Variants in DAB1 observed in about 807,000 individuals in gnomAD.
DAB1 encodes the protein DAB adaptor protein 1.
DAB1 carries 15 observed loss-of-function variants against 64.6 expected under a neutral mutation model. That is an observed-to-expected ratio of 0.23 (90% CI 0.16 to 0.36). The LOEUF (loss-of-function observed/expected upper bound fraction) is 0.36. Among genes scored for constraint, DAB1 ranks in the 10% least tolerant of loss-of-function variants. The pLI, the probability that DAB1 is intolerant of heterozygous loss-of-function variation, is 1.00. For synonymous variants in DAB1, 235 were observed against 251.9 expected, an observed-to-expected ratio of 0.93 and a Z score of 0.64; for missense variants, 596 against 706.7, an observed-to-expected ratio of 0.84 and a Z score of 1.78.
chr1:58,275,618 C>A (rs553558674), intron 4 of DAB1, among the ~76,000 whole-genome samples: 1 of 152,146 alleles, frequency 6.6e-6, no homozygotes, highest in East Asian at 1.9e-4. Flanking sequence ...AGTGAGATAG[C>A]AACTTATACT....
intron 4 of DAB1, among the ~76,000 whole-genome samples, chr1:58,166,995 C>T (rs1374806262): frequency 6.6e-6 from 1 of 151,316 alleles, no homozygotes; most frequent in Admixed American, 6.6e-5. Flanking sequence ...AATCCACGCA[C>T]CTTGGCCTCC....
At chr1:58,372,948 T>A (rs1173595188) in intron 3 of DAB1, among the ~76,000 whole-genome samples, 2 of 152,046 alleles carry the variant, frequency 1.3e-5, no homozygotes, top group African/African-American at 2.4e-5. Context: ...AGCATCTCTA[T>A]AGCAATGTGA....
chr1:58,051,668 T>C (rs1476614136), intron 5 of DAB1, among the ~76,000 whole-genome samples: 1 of 152,170 alleles, frequency 6.6e-6, no homozygotes, highest in African/African-American at 2.4e-5. Flanking sequence ...CCATGAACAG[T>C]GTAAAAGCAT....
At chr1:57,859,323 C>A (rs913374809) in intron 1 of DAB1, among the ~76,000 whole-genome samples, 1 of 152,048 alleles carries the variant, frequency 6.6e-6, no homozygotes, top group Non-Finnish European at 1.5e-5. Context: ...GTTTGGGCTC[C>A]GTATCCCTCT....
intron 4 of DAB1, among the ~76,000 whole-genome samples, chr1:58,208,807 G>A (rs1049839853): frequency 1.3e-5 from 2 of 152,132 alleles, no homozygotes; most frequent in African/African-American, 4.8e-5. Flanking sequence ...AGATCCAGTA[G>A]TGGGATTGCT....
At chr1:57,031,066 C>A (rs144891631) in intron 9 of DAB1, among the ~76,000 whole-genome samples, 2 of 152,276 alleles carry the variant, frequency 1.3e-5, no homozygotes, top group East Asian at 3.9e-4. Context: ...TTTAAAATAA[C>A]CTTCATACTT....
At chr1:58,381,129 C>T (rs2406790) in intron 3 of DAB1, among the ~76,000 whole-genome samples, 9 of 151,878 alleles carry the variant, frequency 5.9e-5, no homozygotes, top group South Asian at 2.1e-4. Context: ...GAAAAACACA[C>T]GCTGGAGCCT....
intron 6 of DAB1, among the ~76,000 whole-genome samples, chr1:57,820,828 T>C (rs1652083589): frequency 6.6e-6 from 1 of 152,200 alleles, no homozygotes; most frequent in South Asian, 2.1e-4. Flanking sequence ...TATTAAGTAA[T>C]ATGAAGAAGC....
chr1:57,079,839 C>T (rs1307564915), intron 4 of DAB1, among the ~76,000 whole-genome samples: 1 of 152,186 alleles, frequency 6.6e-6, no homozygotes, highest in Non-Finnish European at 1.5e-5. Context: ...CCAGCGCAGA[C>T]CAGGTTCCCA....
chr1:57,859,022 T>G (rs2101938349), intron 1 of DAB1, among the ~76,000 whole-genome samples: 1 of 152,222 alleles, frequency 6.6e-6, no homozygotes, highest in South Asian at 2.1e-4. Flanking sequence ...CATCAGGCAC[T>G]TCTGCAGGGG....
intron 5 of DAB1, among the ~76,000 whole-genome samples, chr1:58,114,155 A>T (rs1381138764): frequency 6.6e-6 from 1 of 151,842 alleles, no homozygotes; most frequent in African/African-American, 2.4e-5. Context: ...GCTACTCAAG[A>T]GGCTGAGGCA....
At chr1:57,428,689 T>C (rs537562900), upstream of DAB1, among the ~76,000 whole-genome samples, 10 of 152,132 alleles carry the variant, frequency 6.6e-5, no homozygotes, top group Middle Eastern at 3.2e-3. Context: ...AGAAGTGGGA[T>C]TGCTGGAACA....
chr1:58,024,941 C>T (rs1316230631), intron 5 of DAB1, among the ~76,000 whole-genome samples: 2 of 152,164 alleles, frequency 1.3e-5, no homozygotes, highest in African/African-American at 4.8e-5. Context: ...CAACCTGCTG[C>T]CTCAGATCTT....
intron 7 of DAB1, among the ~76,000 whole-genome samples, chr1:57,517,898 C>T (rs113406197): frequency 2.6e-4 from 39 of 152,278 alleles, no homozygotes; most frequent in African/African-American, 8.4e-4. Context: ...AACTTAAAGG[C>T]CTTAAAGGCC....
intron 5 of DAB1, among the ~76,000 whole-genome samples, chr1:57,933,499 G>A (rs1644982085): frequency 6.6e-6 from 1 of 152,010 alleles, no homozygotes; most frequent in African/African-American, 2.4e-5. Flanking sequence ...ACTCTTCTGT[G>A]TAATGCTTCT....
At chr1:57,663,114 G>A (rs186829840) in intron 6 of DAB1, among the ~76,000 whole-genome samples, 65 of 152,298 alleles carry the variant, frequency 4.3e-4, no homozygotes, top group Admixed American at 7.8e-4. Flanking sequence ...GGTTAGGGAA[G>A]CTTCAGAAAA....
intron 1 of DAB1, among the ~76,000 whole-genome samples, chr1:57,359,511 A>AT (rs1679379524): frequency 6.6e-6 from 1 of 152,130 alleles, no homozygotes; most frequent in African/African-American, 2.4e-5. Flanking sequence ...TAGTACAGCC[A>AT]TTGTGGAAAA....
chr1:57,764,923 G>C (rs1216202243), intron 6 of DAB1, among the ~76,000 whole-genome samples: 1 of 152,180 alleles, frequency 6.6e-6, no homozygotes, highest in African/African-American at 2.4e-5. Flanking sequence ...CAGAGAATGT[G>C]AGATTTAAAA....
intron 2 of DAB1, among the ~76,000 whole-genome samples, chr1:57,192,480 T>A (rs1453672884): frequency 6.6e-6 from 1 of 152,152 alleles, no homozygotes; most frequent in African/African-American, 2.4e-5. Context: ...ATTAATTGAG[T>A]TAACACAAGG....
Sources: allele counts gnomAD v4.1 joint callset (sites outside exome capture counted in the v4.1 genomes callset), GRCh38; gene constraint gnomAD v4.1.1; transcripts MANE v1.5; gene names NCBI Gene and HGNC (gene_info 2026-07-23, HGNC 2026-07-21).